Variants in JAKMIP3 observed in about 807,000 individuals in gnomAD.
JAKMIP3 encodes the protein janus kinase and microtubule-interacting protein 3.
JAKMIP3 carries 58 observed loss-of-function variants against 118.5 expected under a neutral mutation model. That is an observed-to-expected ratio of 0.49 (90% CI 0.40 to 0.61). The LOEUF is 0.61. Ranked by LOEUF, JAKMIP3 falls within the 20% of genes least tolerant of loss-of-function variation. JAKMIP3 has a pLI of 0.00. For synonymous variants in JAKMIP3, 486 were observed against 451.2 expected (o/e 1.08, Z -0.98); for missense variants, 950 against 1,109.0 (o/e 0.86, Z 2.04).
intron 1 of JAKMIP3, among the ~76,000 whole-genome samples, chr10:132,089,180 T>G (rs892837064): frequency 2.2e-4 from 33 of 150,498 alleles, no homozygotes; most frequent in Non-Finnish European, 4.6e-4. Flanking sequence ...AGGGTTGTCT[T>G]GGCAATGCGG....
At chr10:132,166,641 C>T (rs893996777) in intron 21 of JAKMIP3, among the ~76,000 whole-genome samples, 2 of 152,240 alleles carry the variant, frequency 1.3e-5, no homozygotes, top group Admixed American at 6.5e-5. Flanking sequence ...CAGCAGGTCT[C>T]AGCGATGGGT....
intron 3 of JAKMIP3, among the ~76,000 whole-genome samples, chr10:132,130,435 G>A (rs1408629691): frequency 1.3e-5 from 2 of 152,214 alleles, no homozygotes; most frequent in African/African-American, 2.4e-5. Flanking sequence ...GTGTGCTCAC[G>A]TCACCACCCA....
At chr10:132,151,564 G>A (rs946361526) in intron 16 of JAKMIP3, among the ~76,000 whole-genome samples, 1 of 152,218 alleles carries the variant, frequency 6.6e-6, no homozygotes, top group Non-Finnish European at 1.5e-5. Context: ...TCCAGTCCTG[G>A]GTATCAGCCC....
intron 1 of JAKMIP3, among the ~76,000 whole-genome samples, chr10:132,043,375 C>T (rs772053753): frequency 2.0e-5 from 3 of 151,862 alleles, no homozygotes; most frequent in Non-Finnish European, 4.4e-5. Context: ...TGGCCCTTTC[C>T]GTTTGTGTGT....
chr10:132,070,932 C>T, intron 1 of JAKMIP3, among the ~76,000 whole-genome samples: 1 of 152,182 alleles, frequency 6.6e-6, no homozygotes, highest in East Asian at 1.9e-4. Context: ...TTTGCATTTA[C>T]TTTTCTTTTT....
intron 21 of JAKMIP3, among the ~76,000 whole-genome samples, chr10:132,165,058 C>T (rs973877919): frequency 2.6e-5 from 4 of 152,258 alleles, no homozygotes; most frequent in South Asian, 2.1e-4. Context: ...CCAACGGCCT[C>T]GGGTTCCTCC....
intron 1 of JAKMIP3, among the ~76,000 whole-genome samples, chr10:132,103,041 T>A (rs1176305084): frequency 7.0e-6 from 1 of 143,576 alleles, no homozygotes; most frequent in Non-Finnish European, 1.5e-5. Context: ...GGAGCAGGAG[T>A]TGTGGGGGTG....
At chr10:132,161,056 T>C (rs1178458609) in intron 19 of JAKMIP3, among the ~76,000 whole-genome samples, 1 of 109,746 alleles carries the variant, frequency 9.1e-6, no homozygotes, top group Non-Finnish European at 1.9e-5. Context: ...GCTGGGGGCG[T>C]GTCTTTCTGT....
intron 2 of JAKMIP3, among the ~76,000 whole-genome samples, chr10:132,110,828 G>A (rs1409793885): frequency 2.6e-5 from 4 of 152,244 alleles, no homozygotes; most frequent in Non-Finnish European, 4.4e-5. Context: ...CGAGGGAACC[G>A]CAGGGGCGTG....
rs559982738 is a variant in JAKMIP3 at position 132,054,258 on chromosome 10, G to T, written c.-138+17520G>T. ...GGAGGAGCTGGCAGGCTCAGGGAAG[G>T]TTCTGTGAATGTAAGGGGCATGCCT... On this transcript the variant is annotated intron_variant, in intron 1 of 23. Transcript: ENST00000657785. 1.7e-4 allele frequency among the ~76,000 whole-genome samples: 26 copies of T among 151,872 alleles called. 1 individual carries two copies. In the South Asian group the frequency reaches 1.9e-3, roughly 11 times the overall value.
rs569662128 is a variant in JAKMIP3, at chr10:132,091,629, T to C, written c.-137-13043T>C. 5.3e-3 allele frequency among the ~76,000 whole-genome samples: 809 copies of C among 152,336 alleles called. 5 individuals are homozygous for C. The highest frequency in any genetic ancestry group is 0.018 in the African/African-American group (769 of 41,574). On this transcript the variant is annotated intron_variant, in intron 1 of 23. Transcript: ENST00000684848. ...TTTTGTTTTCCATTTGCTTGGTAGATCTTCCTCCATCCCTTTATTTTGAGC... is the reference window on the plus strand; with the variant it reads ...TTTTGTTTTCCATTTGCTTGGTAGACCTTCCTCCATCCCTTTATTTTGAGC...
At chr10:132,127,642 C>T (rs554718802) in intron 3 of JAKMIP3, among the ~76,000 whole-genome samples, 3 of 152,088 alleles carry the variant, frequency 2.0e-5, no homozygotes, top group Non-Finnish European at 2.9e-5. Flanking sequence ...GTTCTTCTCT[C>T]GCTGTTTTTT....
Position 132,117,148 on chromosome 10 carries a change from G to A in JAKMIP3, c.207G>A (p.Ala69=), listed in dbSNP as rs759304993. 9.9e-6 allele frequency: 16 copies of A among 1,613,804 alleles called. No homozygotes were observed. The highest frequency in any genetic ancestry group is 3.3e-5 in the Admixed American group (2 of 60,032). Residue 69 remains alanine (A), a synonymous_variant, in exon 3 of 24, where the codon GCG becomes GCA. Coordinates refer to ENST00000684848, the MANE Select transcript of JAKMIP3 (RefSeq NM_001323087.2). This position sits in a 1 kb window ranked among gnomAD's most constrained non-coding sequence, Gnocchi z 8.6. The part of the protein sequence containing the change: ...QVREHEQHKT[A]VLLTELKTKL... The stretch of plus-strand genomic sequence containing the variant: ...GCGAGCATGAGCAGCATAAGACCGC[G>A]GTCTTGCTCACGGAGCTCAAGACAA...
chr10:132,038,450 C>T (rs961130361), intron 1 of JAKMIP3, among the ~76,000 whole-genome samples: 3 of 152,098 alleles, frequency 2.0e-5, no homozygotes, highest in African/African-American at 4.8e-5. Context: ...AATGGCATAA[C>T]AATAAGCTAA....
chr10:132,152,110 C>A (rs1334985818), intron 16 of JAKMIP3, among the ~76,000 whole-genome samples: 1 of 152,208 alleles, frequency 6.6e-6, no homozygotes, highest in Non-Finnish European at 1.5e-5. Flanking sequence ...GGCACCTGGC[C>A]CCAGCCATGC....
intron 21 of JAKMIP3, 125 bp from the exon 22 acceptor site, chr10:132,166,858 C>T: frequency 1.4e-6 from 1 of 713,678 alleles, no homozygotes; most frequent in Non-Finnish European, 2.4e-6. Context: ...TTAATAGCGT[C>T]CTCTCCTCCC....
At chr10:132,106,453 G>A (rs964912374) in intron 2 of JAKMIP3, among the ~76,000 whole-genome samples, 15 of 151,990 alleles carry the variant, frequency 9.9e-5, no homozygotes, top group African/African-American at 2.2e-4. Flanking sequence ...CCCCGCCCCC[G>A]TTCCTCCCCC....
intron 3 of JAKMIP3, among the ~76,000 whole-genome samples, chr10:132,120,404 A>C (rs1564922568): frequency 6.6e-6 from 1 of 152,150 alleles, no homozygotes; most frequent in Non-Finnish European, 1.5e-5. Context: ...CTCAGTCCGC[A>C]CAGCTGCTGG....
chr10:132,168,781 C>A lies in JAKMIP3; in HGVS notation c.*851C>A, dbSNP rs994740985. 1.2e-5 allele frequency: 3 copies of A among 248,838 alleles called. No individual in the cohort carries two copies. The highest frequency in any genetic ancestry group is 1.6e-5 in the Non-Finnish European group (2 of 126,718). The allele number at this position is 248,838 out of a possible 1,614,324, so 15.4% of individuals were successfully genotyped here. A position where few individuals can be genotyped will look rare whatever the true frequency, so the allele number is the denominator to read the frequency against. ...CTGGCTGGAACACGGATGCCAGAGG[C>A]TGCCTCCATAGTGAATCTCCAGAAG... On this transcript the variant is annotated 3_prime_UTR_variant, in exon 23 of 24. Transcript: ENST00000684848.
Sources: gnomAD v4.1 joint callset for allele counts (sites outside exome capture counted in the v4.1 genomes callset) on GRCh38, gnomAD v4.1.1 for gene constraint, Gnocchi (gnomAD v3.1) non-coding constraint, MANE v1.5 for transcripts, NCBI Gene and HGNC (gene_info 2026-07-23, HGNC 2026-07-21) for gene names.